Variants in RSBN1L observed in about 807,000 individuals in gnomAD.
RSBN1L encodes the protein round spermatid basic protein 1 like.
Under a neutral mutation model 67.7 loss-of-function variants are expected in RSBN1L, and 30 were observed. The observed-to-expected ratio is 0.44, with a 90% CI of 0.33 to 0.60. The LOEUF (loss-of-function observed/expected upper bound fraction) is 0.60. Among genes scored for constraint, RSBN1L ranks in the 20% least tolerant of loss-of-function variants. The pLI is 0.02. For synonymous variants in RSBN1L, 433 were observed against 387.0 expected, an observed-to-expected ratio of 1.12 and a Z score of -1.39; for missense variants, 992 against 1,031.7, an observed-to-expected ratio of 0.96 and a Z score of 0.53.
rs1791954436 is a variant in RSBN1L, at chr7:77,778,879, A to AAG, written c.2252_2253insAG (p.Ile752GlyfsTer10). On this transcript the variant is annotated frameshift_variant, in exon 8 of 8. Transcript: ENST00000334955. LOFTEE classifies it high-confidence loss of function. Reference sequence around the variant, plus strand: ...CTTCATTCTAAATATGAATTACAGCAGATTAAACATGAACCTATTGCATCT... The same window carrying AAG: ...CTTCATTCTAAATATGAATTACAGCAAGGATTAAACATGAACCTATTGCATCT... 1 of 1,613,942 alleles carries AAG rather than the reference A, an allele frequency of 6.2e-7. No homozygotes were observed. The highest frequency in any genetic ancestry group is 1.3e-5 in the African/African-American group (1 of 74,944).
intron 1 of RSBN1L, among the ~76,000 whole-genome samples, chr7:77,711,588 C>G (rs539746874): frequency 2.9e-4 from 44 of 152,302 alleles, no homozygotes; most frequent in African/African-American, 9.6e-4. Context: ...GGCAATCCTC[C>G]TGTCTTAGCC....
chr7:77,779,891 C>A lies in RSBN1L; in HGVS notation c.*723C>A, dbSNP rs1055231828. On this transcript the variant is annotated 3_prime_UTR_variant, in exon 8 of 8. Transcript: ENST00000334955. ...GTCACCAGGCTGGAGTTCAGTGGTG[C>A]GATCTCGGCTCACTGCAACCTCTGC... 1 of 148,590 alleles carries A rather than the reference C, an allele frequency of 6.7e-6. No individual in the cohort carries two copies. Among genetic ancestry groups the A allele is most frequent in the African/African-American group, 2.5e-5 (1 of 40,062 alleles). The allele number at this position is 148,590 out of a possible 1,614,324, so 9.2% of individuals were successfully genotyped here.
chr7:77,753,242 G>A (rs1791576304), intron 3 of RSBN1L, among the ~76,000 whole-genome samples: 1 of 152,176 alleles, frequency 6.6e-6, no homozygotes, highest in African/African-American at 2.4e-5. Flanking sequence ...AAAGTTAAAT[G>A]TGCCTATTTA....
In RSBN1L at chr7:77,781,973, A is replaced by AG; in HGVS notation, c.*2805_*2806insG. 1 of 45,866 alleles carries AG rather than the reference A, an allele frequency of 2.2e-5. No homozygotes were observed. Among genetic ancestry groups the AG allele is most frequent in the Non-Finnish European group, 4.6e-5 (1 of 21,678 alleles). 2.8% of individuals were successfully genotyped at this position (45,866 alleles called of 1,614,324 possible). A position where few individuals can be genotyped will look rare whatever the true frequency, so the allele number is the denominator to read the frequency against. On this transcript the variant is annotated 3_prime_UTR_variant, in exon 8 of 8. Transcript: ENST00000334955. ...GCCCTCCAGCCTGGGCGACAGTCTC[A>AG]AAAAAAAAAAAAAAAAAAAGCATAC... is the stretch of plus-strand genomic sequence containing the variant.
chr7:77,697,785 ATGTT>A (rs891278959), intron 1 of RSBN1L, among the ~76,000 whole-genome samples: 9 of 152,306 alleles, frequency 5.9e-5, no homozygotes, highest in South Asian at 2.1e-4. Flanking sequence ...CGGCTGCAGA[ATGTT>A]TGAGCATTAG....
chr7:77,708,266 G>A (rs1357168171), intron 1 of RSBN1L, among the ~76,000 whole-genome samples: 4 of 152,056 alleles, frequency 2.6e-5, no homozygotes, highest in African/African-American at 4.8e-5. Flanking sequence ...TGGTGTGTTC[G>A]GTGGTGTGTG....
At chr7:77,731,289 C>T (rs1375138115) in intron 1 of RSBN1L, among the ~76,000 whole-genome samples, 2 of 152,150 alleles carry the variant, frequency 1.3e-5, no homozygotes, top group Admixed American at 1.3e-4. Context: ...TCTCTGCTCC[C>T]TGCAACCTCT....
intron 1 of RSBN1L, among the ~76,000 whole-genome samples, chr7:77,734,677 TGGG>T (rs35008682): frequency 2.6e-5 from 4 of 152,122 alleles, no homozygotes; most frequent in African/African-American, 9.7e-5. Context: ...TTAGTATAGA[TGGG>T]GTTTTGTCAC....
chr7:77,730,575 T>G lies in RSBN1L; in HGVS notation c.587-5835T>G, dbSNP rs1461211580. On this transcript the variant is annotated intron_variant, in intron 1 of 7. Transcript: ENST00000334955. ...TTCATCCCTCCTCCCCACTATACCCTGGCAACCACTGATCTTTTTATTTAA... is the reference window on the plus strand; with the variant it reads ...TTCATCCCTCCTCCCCACTATACCCGGGCAACCACTGATCTTTTTATTTAA... Among the ~76,000 whole-genome samples the G allele has an allele frequency of 2.0e-5, 3 of 152,232 alleles. No individual in the cohort carries two copies. The East Asian group carries it at 5.8e-4, about 29-fold the overall frequency.
chr7:77,735,238 A>G (rs1791318979), intron 1 of RSBN1L, among the ~76,000 whole-genome samples: 1 of 152,188 alleles, frequency 6.6e-6, no homozygotes, highest in African/African-American at 2.4e-5. Flanking sequence ...TTATGTGACT[A>G]TTCAACACTT....
intron 3 of RSBN1L, among the ~76,000 whole-genome samples, chr7:77,753,705 T>G (rs1018838731): frequency 3.3e-5 from 5 of 152,246 alleles, no homozygotes; most frequent in Non-Finnish European, 7.3e-5. Context: ...ATTAATATAT[T>G]CTGTGAAGTT....
chr7:77,778,306 G>T (rs758301524), intron 6 of RSBN1L, 32 bp from the exon 7 acceptor site: 2 of 1,464,668 alleles, frequency 1.4e-6, no homozygotes, highest in African/African-American at 1.4e-5. Flanking sequence ...AGCATTTATG[G>T]CAGATTCTTG....
chr7:77,727,035 C>A (rs1000970792), intron 1 of RSBN1L, among the ~76,000 whole-genome samples: 1 of 151,548 alleles, frequency 6.6e-6, no homozygotes. Context: ...CCCGCCTTGG[C>A]CTCCCAAAGT....
chr7:77,763,623 G>C lies in RSBN1L; in HGVS notation c.1345-1872G>C, dbSNP rs551634955. Among the ~76,000 whole-genome samples the C allele has an allele frequency of 4.2e-4, 64 of 152,326 alleles. 1 individual carries two copies. The highest frequency in any genetic ancestry group is 1.5e-3 in the African/African-American group (61 of 41,564). On this transcript the variant is annotated intron_variant, in intron 3 of 7. Coordinates refer to ENST00000334955, the MANE Select transcript of RSBN1L (RefSeq NM_198467.3). ...GCTCTCTTGATATTGGAGATGATAG[G>C]AATTTTTAGGCGACAGGAAAAAGAT...
chr7:77,704,761 T>C (rs911486313), intron 1 of RSBN1L, among the ~76,000 whole-genome samples: 1 of 152,112 alleles, frequency 6.6e-6, no homozygotes, highest in Non-Finnish European at 1.5e-5. Context: ...GTGGATCACC[T>C]GGGGTCAAGG....
chr7:77,707,810 A>C (rs1401074140), intron 1 of RSBN1L, among the ~76,000 whole-genome samples: 3 of 152,182 alleles, frequency 2.0e-5, no homozygotes, highest in Non-Finnish European at 4.4e-5. Flanking sequence ...ACTTGGGTGC[A>C]CCATGAGCTG....
chr7:77,737,923 GA>G (rs1169826895), intron 2 of RSBN1L, among the ~76,000 whole-genome samples: 10 of 151,882 alleles, frequency 6.6e-5, no homozygotes, highest in African/African-American at 1.7e-4. Flanking sequence ...TGGGGAGGCT[GA>G]GGCATGAGAA....
chr7:77,747,108 C>A (rs1791494557), intron 2 of RSBN1L, among the ~76,000 whole-genome samples: 1 of 152,112 alleles, frequency 6.6e-6, no homozygotes, highest in Non-Finnish European at 1.5e-5. Context: ...TCTGCAGTAC[C>A]CTGGTGGAGA....
chr7:77,696,505 T>G lies in RSBN1L; in HGVS notation c.36T>G (p.Ala12=), dbSNP rs1790726123. Residue 12 remains alanine, a synonymous_variant, in exon 1 of 8, where the codon GCT becomes GCG. Transcript: ENST00000334955. ...AEPPSPVHCV[A]AAAPTATVSE... ...CGCCGAGCCCCGTGCACTGTGTCGC[T>G]GCCGCGGCCCCCACCGCCACCGTCT... 8.7e-6 allele frequency: 14 copies of G among 1,613,504 alleles called. No homozygotes were observed. The East Asian group carries it at 3.1e-4, about 36-fold the overall frequency.
Sources: gnomAD v4.1 joint callset for allele counts (sites outside exome capture counted in the v4.1 genomes callset) on GRCh38, gnomAD v4.1.1 for gene constraint, MANE v1.5 for transcripts, NCBI Gene and HGNC (gene_info 2026-07-23, HGNC 2026-07-21) for gene names.